The following NBPF14 variants were observed in gnomAD, a reference collection of about 807,000 sequenced individuals.
NBPF14 encodes the protein NBPF family member NBPF14.
A neutral mutation model predicts 91.2 loss-of-function variants in NBPF14; 104 were observed. The observed-to-expected ratio is 1.14, with a 90% CI of 0.97 to 1.34. NBPF14 has a LOEUF of 1.34. NBPF14 is among the 40% of genes most tolerant of loss of function. NBPF14 has a pLI of 0.00. For synonymous variants in NBPF14, 294 were observed against 303.8 expected, an observed-to-expected ratio of 0.97 and a Z score of 0.34; for missense variants, 908 against 783.0, an observed-to-expected ratio of 1.16 and a Z score of -1.91.
At chr1:148,577,276 C>T in exon 15 of NBPF14, 1 of 629,744 alleles carries the variant, frequency 1.6e-6, no homozygotes, top group Admixed American at 2.5e-5. Flanking sequence ...TCAAGACAAC[C>T]TGAAGGAGTT....
chr1:148,533,368 AT>A (rs1654064817), intron 70 of NBPF14, 120 bp from the exon 71 acceptor site: 1 of 555,768 alleles, frequency 1.8e-6, no homozygotes, highest in African/African-American at 2.2e-5. Flanking sequence ...AGAACCATTA[AT>A]GAGGTAAAAA....
chr1:148,566,157 G>T (rs1306344022), exon 29 of NBPF14: 1 of 521,394 alleles, frequency 1.9e-6, no homozygotes, highest in African/African-American at 3.3e-5. Flanking sequence ...CACGTCAAGA[G>T]AAAAGCCAAC....
chr1:148,590,290 C>T (rs1662270749), intron 6 of NBPF14, among the ~76,000 whole-genome samples: 1 of 142,462 alleles, frequency 7.0e-6, no homozygotes, highest in South Asian at 2.4e-4. Context: ...ATCTCCTGAC[C>T]TCATGATCCA....
intron 20 of NBPF14, 83 bp from the exon 21 acceptor site, chr1:148,572,698 A>G: frequency 2.9e-6 from 2 of 680,730 alleles, no homozygotes; most frequent in East Asian, 2.7e-5. Flanking sequence ...GGCTAACGTA[A>G]GGAAGAGTTT....
At chr1:148,578,779 T>C (rs1660469039) in intron 13 of NBPF14, among the ~76,000 whole-genome samples, 1 of 148,290 alleles carries the variant, frequency 6.7e-6, no homozygotes, top group Non-Finnish European at 1.5e-5. Context: ...CTCCTGGGCA[T>C]GTGCTACATA....
intron 12 of NBPF14, among the ~76,000 whole-genome samples, chr1:148,579,853 G>C (rs1245814490): frequency 6.6e-6 from 1 of 152,112 alleles, no homozygotes; most frequent in East Asian, 1.9e-4. Context: ...TGAAGCTGAG[G>C]GACCTGACTG....
intron 13 of NBPF14, among the ~76,000 whole-genome samples, chr1:148,578,797 G>T (rs1237256142): frequency 6.7e-5 from 10 of 149,150 alleles, no homozygotes; most frequent in African/African-American, 2.5e-4. Context: ...ATAGTTTGGT[G>T]TGAGTTTGCC....
At position 148,534,649 on chromosome 1, in the gene NBPF14, G is replaced by C. The variant is rs1230963387; in HGVS notation, c.8614+35C>G. 3.7e-4 allele frequency: 321 copies of C among 860,864 alleles called. 6 individuals carry two copies. In the African/African-American group the frequency reaches 5.1e-3, roughly 14 times the overall value. The allele number at this position is 860,864 out of a possible 1,614,324, so 53.3% of individuals were successfully genotyped here. On this transcript the variant is annotated intron_variant, in intron 69 of 70. Transcript: ENST00000619423. ...ATATCACCCCTATCTGGAAGACCAG[G>C]TGGAGGCTTATCACCTTCATAGTAA...
At chr1:148,585,758 A>G (rs1201584168) in intron 9 of NBPF14, among the ~76,000 whole-genome samples, 465 of 138,542 alleles carry the variant, frequency 3.4e-3, no homozygotes, top group African/African-American at 6.7e-3. Context: ...ATCACACGGC[A>G]AGGGCCTTCA....
chr1:148,542,048 C>T (rs1455913787), intron 59 of NBPF14, among the ~76,000 whole-genome samples: 3 of 84,324 alleles, frequency 3.6e-5, no homozygotes, highest in Non-Finnish European at 5.9e-5. Context: ...TGTCCCTATT[C>T]TAGTAGATCG....
intron 70 of NBPF14, 112 bp downstream of exon 70, chr1:148,533,749 G>A (rs1180341761): frequency 5.3e-6 from 4 of 758,876 alleles, no homozygotes; most frequent in South Asian, 1.4e-5. Context: ...ATGACAGTAG[G>A]AGTAATTCAG....
In NBPF14 at chr1:148,559,430, G is replaced by T. The variant is rs1200945881; in HGVS notation, c.4730-358C>A. ...CCCTGTCTCATCAAATACTCAGATT[G>T]TTCATGGTAGCGAGGATTTCAGACG... On this transcript the variant is annotated intron_variant, in intron 37 of 70. Transcript: ENST00000619423. Among the ~76,000 whole-genome samples, 4 of 133,806 alleles carry T rather than the reference G, an allele frequency of 3.0e-5. 2 individuals carry two copies. Among genetic ancestry groups the T allele is most frequent in the East Asian group, 4.5e-4 (2 of 4,398 alleles). The allele number at this position is 133,806 out of a possible 152,430, so 87.8% of individuals were successfully genotyped here.
chr1:148,539,635 C>A, intron 62 of NBPF14, 53 bp from the exon 63 acceptor site: 1 of 180,326 alleles, frequency 5.5e-6, no homozygotes, highest in South Asian at 3.1e-5. Flanking sequence ...AGAAACCACA[C>A]AGCCCCAGCT....
chr1:148,559,800 G>A (rs1436692435), exon 37 of NBPF14: 10 of 1,516,112 alleles, frequency 6.6e-6, no homozygotes, highest in East Asian at 2.5e-5. Flanking sequence ...CACCATCCAT[G>A]TCAACAGCCA....
At position 148,593,536 on chromosome 1, in the gene NBPF14, G is replaced by A. The variant is rs1176917066; in HGVS notation, c.278+62C>T. 2.5e-5 allele frequency: 32 copies of A among 1,300,320 alleles called. 1 individual carries two copies. Among genetic ancestry groups the A allele is most frequent in the Non-Finnish European group, 3.5e-5 (32 of 921,142 alleles). The allele number at this position is 1,300,320 out of a possible 1,614,324, so 80.5% of individuals were successfully genotyped here. On this transcript the variant is annotated intron_variant, in intron 3 of 70. Coordinates refer to ENST00000619423, the Ensembl canonical transcript of NBPF14. ...CTTCGTTCTTACTTCTCCCCGCCGA[G>A]CTGCTGTACTTCAGAGATCTACACA...
chr1:148,591,635 T>C (rs1206293696), intron 4 of NBPF14, 131 bp from the exon 5 acceptor site: 5 of 1,044,772 alleles, frequency 4.8e-6, no homozygotes, highest in Non-Finnish European at 5.6e-6. Context: ...ATGTTTTATC[T>C]TTCACAAAAT....
exon 71 of NBPF14, chr1:148,532,956 T>C (rs782194873): frequency 1.8e-6 from 1 of 567,360 alleles, no homozygotes; most frequent in East Asian, 2.8e-5. Flanking sequence ...TTCACTTGCC[T>C]ATAGGTCCTG....
Position 148,559,832 on chromosome 1 carries a change from A to C in NBPF14, c.4690T>G (p.Leu1564Val), listed in dbSNP as rs1302453223. ...GCCAAGCCAACACGCTGCTGCTCCAATATGTAAAAGGCACTTCTATAGGGC... is the reference window on the plus strand; with the variant it reads ...GCCAAGCCAACACGCTGCTGCTCCACTATGTAAAAGGCACTTCTATAGGGC... Residue 1564 changes from leucine (L) to valine (V), a missense_variant, in exon 37 of 71, where the codon TTG becomes GTG. By Grantham distance (32) the Leu-to-Val change is conservative. Transcript: ENST00000619423. 35 of 1,533,872 alleles carry C rather than the reference A, an allele frequency of 2.3e-5. No individual in the cohort carries two copies. In the East Asian group the frequency reaches 2.5e-4, roughly 11 times the overall value.
intron 69 of NBPF14, among the ~76,000 whole-genome samples, chr1:148,534,240 T>A (rs1413510501): frequency 6.6e-6 from 1 of 151,594 alleles, no homozygotes; most frequent in Admixed American, 6.7e-5. Context: ...CGCCATATTT[T>A]TCCAATCAAC....
Sources: allele counts gnomAD v4.1 joint callset (sites outside exome capture counted in the v4.1 genomes callset), GRCh38; gene constraint gnomAD v4.1.1; transcripts MANE v1.5; gene names NCBI Gene and HGNC (gene_info 2026-07-23, HGNC 2026-07-21).